The following RXFP2 variants were observed in gnomAD, a reference collection of about 807,000 sequenced individuals.
RXFP2 encodes the protein relaxin family peptide receptor 2, also known as relaxin receptor 2.
A neutral mutation model predicts 88.6 loss-of-function variants in RXFP2; 68 were observed. The observed-to-expected ratio is 0.77, with a 90% CI of 0.63 to 0.94. RXFP2 has a LOEUF of 0.94. RXFP2 is among the 40% of genes least tolerant of loss of function. RXFP2 has a pLI of 0.00. For missense variants in RXFP2, 791 were observed against 893.9 expected, an observed-to-expected ratio of 0.88 and a Z score of 1.47; for synonymous variants, 329 against 306.8, an observed-to-expected ratio of 1.07 and a Z score of -0.76.
At chr13:31,779,220 G>T (rs1002882284) in intron 9 of RXFP2, among the ~76,000 whole-genome samples, 3 of 151,338 alleles carry the variant, frequency 2.0e-5, no homozygotes, top group African/African-American at 7.3e-5. Flanking sequence ...CTGTCTCCTG[G>T]GTTCAAGTGA....
At chr13:31,741,126 C>T (rs1871211101) in intron 1 of RXFP2, among the ~76,000 whole-genome samples, 1 of 151,922 alleles carries the variant, frequency 6.6e-6, no homozygotes, top group Non-Finnish European at 1.5e-5. Context: ...TGAAAAACAT[C>T]TATTACTAAA....
At chr13:31,751,813 C>G (rs1871685957) in intron 1 of RXFP2, among the ~76,000 whole-genome samples, 1 of 152,174 alleles carries the variant, frequency 6.6e-6, no homozygotes, top group African/African-American at 2.4e-5. Context: ...CTCCCCTTCA[C>G]CCACCACACT....
intron 16 of RXFP2, among the ~76,000 whole-genome samples, chr13:31,795,214 A>G (rs866477421): frequency 2.7e-5 from 4 of 150,496 alleles, no homozygotes; most frequent in African/African-American, 9.8e-5. Context: ...CAGTAGCGCC[A>G]TCTCGGCTCC....
rs1177034130 is a variant in RXFP2, at chr13:31,770,706, T to C, written c.498-3914T>C. Among the ~76,000 whole-genome samples the C allele has an allele frequency of 2.6e-5, 4 of 152,090 alleles. No homozygotes were observed. The East Asian group carries it at 7.7e-4, about 29-fold the overall frequency. Reference sequence around the variant, plus strand: ...GCCACAGTATTCTCTACTGTTTGAGTTTTACACATGACTCGGGTCAACTAC... The same window carrying C: ...GCCACAGTATTCTCTACTGTTTGAGCTTTACACATGACTCGGGTCAACTAC... On this transcript the variant is annotated intron_variant, in intron 5 of 17. Transcript: ENST00000298386.
chr13:31,749,248 T>A (rs1593445348), intron 1 of RXFP2, among the ~76,000 whole-genome samples: 1 of 152,226 alleles, frequency 6.6e-6, no homozygotes, highest in East Asian at 1.9e-4. Context: ...AATGATTACA[T>A]ATGTGTCTGT....
chr13:31,781,630 T>TA (rs768135153), intron 9 of RXFP2, 41 bp from the exon 10 acceptor site: 2 of 1,413,998 alleles, frequency 1.4e-6, no homozygotes, highest in African/African-American at 2.9e-5. Context: ...ATATGATTTG[T>TA]ACAAAAAATA....
chr13:31,761,742 C>T lies in RXFP2; in HGVS notation c.260C>T (p.Ala87Val), dbSNP rs373570227. ...TTCACAGGTGACACTAGTGGATGGG[C>T]GACCATATTTGGCACAGTGCATGGA... Reference protein sequence around the residue: ...EENCGDTSGWATIFGTVHGNA... With the variant: ...EENCGDTSGWVTIFGTVHGNA... The change falls in exon 3 of 18, where the codon GCG (alanine) becomes GTG (valine). Residue 87 changes from alanine to valine, a missense_variant. Physicochemically the swap from Ala to Val is moderately conservative, Grantham distance 64. Transcript: ENST00000298386. 8.1e-5 allele frequency: 130 copies of T among 1,612,118 alleles called. No individual in the cohort carries two copies. The highest frequency in any genetic ancestry group is 6.8e-4 in the Admixed American group (41 of 60,018).
At position 31,791,764 on chromosome 13, in the gene RXFP2, A is replaced by C. The variant is rs377123962; in HGVS notation, c.1146-42A>C. The C allele has an allele frequency of 6.0e-6, 8 of 1,338,776 alleles. No individual in the cohort carries two copies. The African/African-American group carries it at 1.2e-4, about 19-fold the overall frequency. 82.9% of individuals were successfully genotyped at this position (1,338,776 alleles called of 1,614,324 possible). Reference sequence around the variant, plus strand: ...ATAGGACTGCAACTGTAGGTTCTGTATCATTGCTGCAAAGTGACACTTTTT... The same window carrying C: ...ATAGGACTGCAACTGTAGGTTCTGTCTCATTGCTGCAAAGTGACACTTTTT... On this transcript the variant is annotated intron_variant, in intron 14 of 17. Transcript: ENST00000298386.
chr13:31,740,777 T>C (rs1871199363), intron 1 of RXFP2, among the ~76,000 whole-genome samples: 1 of 152,088 alleles, frequency 6.6e-6, no homozygotes, highest in Non-Finnish European at 1.5e-5. Flanking sequence ...TTTTATTTTA[T>C]ATTTTAATAT....
chr13:31,762,570 G>T (rs547306370), intron 3 of RXFP2, among the ~76,000 whole-genome samples: 30 of 152,172 alleles, frequency 2.0e-4, no homozygotes, highest in Middle Eastern at 3.4e-3. Context: ...GGGTGTGTGT[G>T]TATATGTAGA....
intron 11 of RXFP2, among the ~76,000 whole-genome samples, chr13:31,783,848 C>G (rs998732913): frequency 1.3e-5 from 2 of 151,832 alleles, no homozygotes; most frequent in African/African-American, 2.4e-5. Context: ...GATTTTTTTG[C>G]TCTTGTCACC....
At chr13:31,779,386 T>C (rs1873159355) in intron 9 of RXFP2, among the ~76,000 whole-genome samples, 1 of 152,056 alleles carries the variant, frequency 6.6e-6, no homozygotes, top group Non-Finnish European at 1.5e-5. Flanking sequence ...TCAGTGCTTA[T>C]GTCTTCTATA....
intron 7 of RXFP2, 89 bp from the exon 8 acceptor site, chr13:31,777,287 C>A: frequency 1.2e-6 from 1 of 865,122 alleles, no homozygotes; most frequent in Non-Finnish European, 1.9e-6. Flanking sequence ...TGGAAGCACA[C>A]AAAGGAGTAG....
At chr13:31,789,494 G>A (rs1272123891) in intron 14 of RXFP2, among the ~76,000 whole-genome samples, 1 of 152,140 alleles carries the variant, frequency 6.6e-6, no homozygotes, top group African/African-American at 2.4e-5. Context: ...TGGTACTCAG[G>A]CGACCTGGAA....
intron 10 of RXFP2, among the ~76,000 whole-genome samples, chr13:31,782,188 A>G (rs376963738): frequency 6.6e-6 from 1 of 152,214 alleles, no homozygotes; most frequent in Non-Finnish European, 1.5e-5. Context: ...TGATTGGCCA[A>G]AGATTCTGCC....
intron 16 of RXFP2, among the ~76,000 whole-genome samples, chr13:31,795,907 T>C (rs1486828044): frequency 2.0e-5 from 3 of 152,102 alleles, no homozygotes; most frequent in Admixed American, 1.3e-4. Flanking sequence ...ATAATTCACA[T>C]AGTTGAATTT....
Position 31,803,292 on chromosome 13 carries a change from C to T in RXFP2, c.*887C>T, listed in dbSNP as rs1874439792. On this transcript the variant is annotated 3_prime_UTR_variant, in exon 18 of 18. Coordinates refer to ENST00000298386, the MANE Select transcript of RXFP2 (RefSeq NM_130806.5). Reference sequence around the variant, plus strand: ...ATGGTTTTGTTCTCATTGTTTTTAACAAAAAAGCAATGAAGTTTGGGGTGG... The same window carrying T: ...ATGGTTTTGTTCTCATTGTTTTTAATAAAAAAGCAATGAAGTTTGGGGTGG... 1 of 151,736 alleles carries T rather than the reference C, an allele frequency of 6.6e-6. No individual in the cohort carries two copies. Among genetic ancestry groups the T allele is most frequent in the African/African-American group, 2.4e-5 (1 of 41,278 alleles). 9.4% of individuals were successfully genotyped at this position (151,736 alleles called of 1,614,324 possible). A position where few individuals can be genotyped will look rare whatever the true frequency, so the allele number is the denominator to read the frequency against.
At chr13:31,793,152 C>G in intron 16 of RXFP2, 64 bp downstream of exon 16, 2 of 1,382,858 alleles carry the variant, frequency 1.4e-6, no homozygotes, top group Non-Finnish European at 2.0e-6. Flanking sequence ...TAAATTTCAG[C>G]AAAGGTGGAT....
chr13:31,788,122 G>A (rs1289288970), intron 13 of RXFP2, among the ~76,000 whole-genome samples: 6 of 143,998 alleles, frequency 4.2e-5, no homozygotes, highest in African/African-American at 1.3e-4. Context: ...TGTAAGTCAA[G>A]GACAGAGCCA....
Sources: allele counts gnomAD v4.1 joint callset (sites outside exome capture counted in the v4.1 genomes callset), GRCh38; gene constraint gnomAD v4.1.1; transcripts MANE v1.5; gene names NCBI Gene and HGNC (gene_info 2026-07-23, HGNC 2026-07-21).